The following BCLAF3 variants were observed in gnomAD, a reference collection of about 807,000 sequenced individuals.
BCLAF3 encodes the protein transient octamer binding factor 1.
In BCLAF3, 24 loss-of-function variants were observed where a neutral mutation model predicts 51.2. The observed-to-expected ratio is 0.47, with a 90% confidence interval of 0.34 to 0.66. BCLAF3 has a LOEUF of 0.66. Among genes scored for constraint, BCLAF3 ranks in the 30% least tolerant of loss-of-function variants. The pLI is 0.01. For synonymous variants in BCLAF3, 152 were observed against 176.6 expected (o/e 0.86, Z 1.10); for missense variants, 465 against 525.1 (o/e 0.89, Z 1.12).
At chrX:19,989,976 A>G (rs1039238591) in intron 1 of BCLAF3, among the ~76,000 whole-genome samples, 2 of 111,268 alleles carry the variant, frequency 1.8e-5, no homozygotes, top group Non-Finnish European at 3.8e-5. Flanking sequence ...TAAAATACCA[A>G]TGAAAAATAA....
At chrX:19,940,622 AG>A (rs1395850581) in intron 8 of BCLAF3, among the ~76,000 whole-genome samples, 1 of 109,973 alleles carries the variant, frequency 9.1e-6, no homozygotes, top group Non-Finnish European at 1.9e-5. Context: ...ATGGCTGCAT[AG>A]TATTCCATGG....
rs1219930909 is a variant in BCLAF3 at position 19,915,944 on chromosome X, G to T, written c.*1361C>A. Reference sequence around the variant, plus strand: ...AGAGATTGTACACAGTACAAGACAGGCCATCTACCCAAATTTATTACCTGC... The same window carrying T: ...AGAGATTGTACACAGTACAAGACAGTCCATCTACCCAAATTTATTACCTGC... On this transcript the variant is annotated 3_prime_UTR_variant, in exon 12 of 12. Transcript: ENST00000379682. 1 of 111,580 alleles carries T rather than the reference G, an allele frequency of 9.0e-6. No homozygotes were observed. Among genetic ancestry groups the T allele is most frequent in the Non-Finnish European group, 1.9e-5 (1 of 53,057 alleles). The allele number at this position is 111,580 out of a possible 1,213,427, so 9.2% of individuals were successfully genotyped here. A position where few individuals can be genotyped will look rare whatever the true frequency, so the allele number is the denominator to read the frequency against.
At position 19,917,167 on chromosome X, in the gene BCLAF3, C is replaced by G. The variant is rs886234360; in HGVS notation, c.*138G>C. 5.4e-6 allele frequency: 3 copies of G among 559,978 alleles called. No individual in the cohort carries two copies. Among genetic ancestry groups the G allele is most frequent in the Non-Finnish European group, 8.8e-6 (3 of 339,292 alleles). The allele number at this position is 559,978 out of a possible 1,213,427, so 46.1% of individuals were successfully genotyped here. ...TTAGGTGTAAAAAAGTTGCAGCATT[C>G]CACTACTAAAAAATAAAGTTATTTT... On this transcript the variant is annotated 3_prime_UTR_variant, in exon 12 of 12. Transcript: ENST00000379682.
At chrX:19,957,311 C>T (rs1373938045) in intron 4 of BCLAF3, among the ~76,000 whole-genome samples, 1 of 111,926 alleles carries the variant, frequency 8.9e-6, no homozygotes, top group African/African-American at 3.3e-5. Flanking sequence ...GTTAGAACAC[C>T]CCGTAACGAC....
At chrX:19,924,687 T>C (rs2070303862) in intron 11 of BCLAF3, among the ~76,000 whole-genome samples, 1 of 111,739 alleles carries the variant, frequency 8.9e-6, no homozygotes, top group African/African-American at 3.3e-5. Flanking sequence ...ACCTGAGGAC[T>C]GCTGGAGAAT....
Position 19,950,771 on chromosome X carries a change from A to G in BCLAF3, c.1727T>C (p.Ile576Thr). The G allele has an allele frequency of 2.5e-6, 3 of 1,204,504 alleles. No homozygotes were observed. The highest frequency in any genetic ancestry group is 1.7e-5 in the African/African-American group (1 of 57,721). ...LQNEDEHIFH[I>T]ASAAERDDQN... is the part of the protein sequence containing the mutation. Reference sequence around the variant, plus strand: ...TGATTACCTCTCTGCAGCACTAGCTATGTGAAAAATGTGCTCATCTTCATT... The same window carrying G: ...TGATTACCTCTCTGCAGCACTAGCTGTGTGAAAAATGTGCTCATCTTCATT... The change falls in exon 8 of 12, where the codon ATA becomes ACA. Residue 576 changes from isoleucine to threonine, a missense_variant. Coordinates refer to ENST00000379682, the MANE Select transcript of BCLAF3 (RefSeq NM_001367774.2).
rs1230348861 is a variant in BCLAF3, at chrX:19,960,754, C to G, written c.1274+4290G>C. Reference sequence around the variant, plus strand: ...CCTGCCTGCGTGATACCCATTTCCTCAGAGTGTCAGGGTCCCAATGTCCTC... The same window carrying G: ...CCTGCCTGCGTGATACCCATTTCCTGAGAGTGTCAGGGTCCCAATGTCCTC... On this transcript the variant is annotated intron_variant, in intron 4 of 11. Coordinates refer to ENST00000379682, the MANE Select transcript of BCLAF3 (RefSeq NM_001367774.2). Among the ~76,000 whole-genome samples, 4 of 111,575 alleles carry G rather than the reference C, an allele frequency of 3.6e-5. No homozygotes were observed. In the East Asian group the frequency reaches 1.1e-3, roughly 31 times the overall value.
chrX:19,984,546 A>G (rs774278160), intron 1 of BCLAF3, among the ~76,000 whole-genome samples: 1 of 111,880 alleles, frequency 8.9e-6, no homozygotes, highest in Non-Finnish European at 1.9e-5. Context: ...TAAAGTGGAA[A>G]TATTACAAAC....
intron 2 of BCLAF3, among the ~76,000 whole-genome samples, chrX:19,968,787 G>A (rs985357716): frequency 4.4e-5 from 5 of 112,815 alleles, no homozygotes; most frequent in African/African-American, 6.4e-5. Flanking sequence ...GGTCTCTTGT[G>A]CCCCTCATCA....
intron 5 of BCLAF3, 72 bp downstream of exon 5, chrX:19,955,319 G>C: frequency 2.7e-6 from 2 of 741,884 alleles, no homozygotes; most frequent in Non-Finnish European, 3.9e-6. Context: ...TATACTGCAG[G>C]TGTTTACCTG....
In BCLAF3 at chrX:19,966,300, G is replaced by C; in HGVS notation, c.391C>G (p.Pro131Ala). The C allele has an allele frequency of 8.3e-7, 1 of 1,211,503 alleles. No homozygotes were observed. The highest frequency in any genetic ancestry group is 1.1e-6 in the Non-Finnish European group (1 of 895,435). The change falls in exon 3 of 12, where the codon CCC becomes GCC. Residue 131 changes from proline (P) to alanine (A), a missense_variant. Transcript: ENST00000379682. ...CTATGCCCTCCTTGCACTTTCTGGG[G>C]ATAAGAATTCCTTTCATGCTCTTTG... ...PYKEHERNSY[P>A]QKVQGGHSPD...
intron 1 of BCLAF3, among the ~76,000 whole-genome samples, chrX:19,987,292 T>C (rs769669406): frequency 2.7e-5 from 3 of 111,667 alleles, no homozygotes; most frequent in Non-Finnish European, 5.6e-5. Flanking sequence ...ACCTTCTTCA[T>C]TGGTCCAAAC....
intron 8 of BCLAF3, among the ~76,000 whole-genome samples, chrX:19,945,529 T>G (rs1333644818): frequency 8.8e-5 from 8 of 91,371 alleles, no homozygotes; most frequent in Middle Eastern, 5.0e-3. Flanking sequence ...TGGAATACCC[T>G]GCCGTGTGAG....
chrX:19,983,801 G>C (rs1159873937), intron 1 of BCLAF3, among the ~76,000 whole-genome samples: 1 of 110,334 alleles, frequency 9.1e-6, no homozygotes, highest in African/African-American at 3.3e-5. Flanking sequence ...GGGCAAGGTG[G>C]CTTATGCTTG....
At chrX:19,919,734 G>A (rs1222581138) in intron 11 of BCLAF3, among the ~76,000 whole-genome samples, 3 of 107,204 alleles carry the variant, frequency 2.8e-5, no homozygotes, top group African/African-American at 1.0e-4. Context: ...GTGCATACCT[G>A]TAATCCCAGC....
Position 19,987,040 on chromosome X carries a change from A to G in BCLAF3, c.-35+3868T>C, listed in dbSNP as rs752750077. On this transcript the variant is annotated intron_variant, in intron 1 of 11. Transcript: ENST00000379682. ...GGGCTAGTCTCAAACTCCTGGCCTC[A>G]GGTGATCCTCCCAGTTCAGCCTCCC... is the stretch of plus-strand genomic sequence containing the variant. Among the ~76,000 whole-genome samples the G allele has an allele frequency of 2.7e-5, 3 of 110,615 alleles. No individual in the cohort carries two copies. The East Asian group carries it at 8.5e-4, about 31-fold the overall frequency.
Position 19,990,974 on chromosome X carries a change from G to C in BCLAF3, c.-101C>G, listed in dbSNP as rs1309064651. On this transcript the variant is annotated 5_prime_UTR_variant, in exon 1 of 12. Coordinates refer to ENST00000379682, the MANE Select transcript of BCLAF3 (RefSeq NM_001367774.2). ...GCCGCCGCCGCCGCCGCCGCCGCCG[G>C]CCCCTCGGGCCTCGCCCCTCACTCT... Among the ~76,000 whole-genome samples the C allele has an allele frequency of 5.3e-5, 4 of 76,075 alleles. No individual in the cohort carries two copies. The highest frequency in any genetic ancestry group is 1.4e-4 in the Admixed American group (1 of 7,344). The allele number at this position is 76,075 out of a possible 115,157, so 66.1% of individuals were successfully genotyped here. A position where few individuals can be genotyped will look rare whatever the true frequency, so the allele number is the denominator to read the frequency against.
At chrX:19,938,892 T>C (rs2070885270) in intron 8 of BCLAF3, among the ~76,000 whole-genome samples, 1 of 112,443 alleles carries the variant, frequency 8.9e-6, no homozygotes, top group Non-Finnish European at 1.9e-5. Flanking sequence ...TATGTGCCCA[T>C]GTAGCATTTT....
chrX:19,931,188 T>C (rs940668820), intron 10 of BCLAF3, among the ~76,000 whole-genome samples: 6 of 111,891 alleles, frequency 5.4e-5, no homozygotes, highest in Non-Finnish European at 1.1e-4. Flanking sequence ...ATAAGAGAAA[T>C]GGTCCCTTGT....
Sources: gnomAD v4.1 joint callset for allele counts (sites outside exome capture counted in the v4.1 genomes callset) on GRCh38, gnomAD v4.1.1 for gene constraint, MANE v1.5 for transcripts, NCBI Gene and HGNC (gene_info 2026-07-23, HGNC 2026-07-21) for gene names.